PCED1B: variants seen among roughly 807,000 people sequenced by gnomAD.
PCED1B encodes PC-esterase domain containing 1B.
For missense variants in PCED1B, 573 were observed against 573.9 expected, an observed-to-expected ratio of 1.00 and a Z score of 0.02; for synonymous variants, 251 against 246.1, an observed-to-expected ratio of 1.02 and a Z score of -0.19.
intron 2 of PCED1B, among the ~76,000 whole-genome samples, chr12:47,106,665 G>C (rs936285983): frequency 6.6e-6 from 1 of 152,170 alleles, no homozygotes; most frequent in African/African-American, 2.4e-5. Flanking sequence ...CTCCCCACAA[G>C]GGACCCATCA....
intron 2 of PCED1B, among the ~76,000 whole-genome samples, chr12:47,123,524 C>T (rs985694307): frequency 6.6e-6 from 1 of 151,936 alleles, no homozygotes; most frequent in Non-Finnish European, 1.5e-5. Context: ...TTCATAGAAT[C>T]AACAAAACAA....
chr12:47,097,823 G>A (rs936437382), intron 1 of PCED1B, among the ~76,000 whole-genome samples: 2 of 152,182 alleles, frequency 1.3e-5, no homozygotes, highest in African/African-American at 4.8e-5. Flanking sequence ...TGTCTCCTCA[G>A]TTCACCCAAA....
chr12:47,111,066 A>G (rs879653883), intron 2 of PCED1B, among the ~76,000 whole-genome samples: 1 of 152,200 alleles, frequency 6.6e-6, no homozygotes, highest in African/African-American at 2.4e-5. Flanking sequence ...TTTCTGAAAA[A>G]TTGATTTTTG....
intron 2 of PCED1B, among the ~76,000 whole-genome samples, chr12:47,104,517 C>T (rs1938859973): frequency 6.6e-6 from 1 of 152,166 alleles, no homozygotes; most frequent in Admixed American, 6.5e-5. Flanking sequence ...ATCACCCAGG[C>T]AAGTCACCTG....
chr12:47,127,350 A>G (rs1030735989), intron 2 of PCED1B, among the ~76,000 whole-genome samples: 2 of 147,664 alleles, frequency 1.4e-5, no homozygotes, highest in South Asian at 4.3e-4. Flanking sequence ...CTTTCTAGCT[A>G]TCTTTCTGTT....
At chr12:47,120,505 A>G (rs1939630486) in intron 2 of PCED1B, among the ~76,000 whole-genome samples, 1 of 152,200 alleles carries the variant, frequency 6.6e-6, no homozygotes, top group Non-Finnish European at 1.5e-5. Context: ...TGGCCATAAA[A>G]AAGAATGCAG....
chr12:47,091,382 C>A (rs1220721162), intron 1 of PCED1B, among the ~76,000 whole-genome samples: 2 of 151,902 alleles, frequency 1.3e-5, no homozygotes, highest in Admixed American at 1.3e-4. Context: ...TCAACTTTTT[C>A]TTATTGACTT....
chr12:47,096,909 G>C (rs1938503951), intron 1 of PCED1B, among the ~76,000 whole-genome samples: 1 of 152,184 alleles, frequency 6.6e-6, no homozygotes, highest in Non-Finnish European at 1.5e-5. Context: ...AGATATGTAA[G>C]ACTGTATAAG....
At position 47,235,961 on chromosome 12, in the gene PCED1B, C is replaced by G. The variant is rs750761520; in HGVS notation, c.898C>G (p.Arg300Gly). 6.2e-7 allele frequency: 1 copy of G among 1,612,362 alleles called. No individual in the cohort carries two copies. The highest frequency in any genetic ancestry group is 8.5e-7 in the Non-Finnish European group (1 of 1,179,254). ...LSPPLPSPTY[R>G]PLLGFPPQRL... ...CCCACCCTTACCTTCCCCCACATAC[C>G]GCCCCCTGCTTGGGTTCCCACCCCA... The change falls in exon 4 of 4, where the codon CGC (arginine) becomes GGC (glycine). Residue 300 changes from arginine (R) to glycine (G), a missense_variant. Coordinates refer to ENST00000546455, the MANE Select transcript of PCED1B (RefSeq NM_138371.3).
At chr12:47,218,302 G>A (rs1169415976) in intron 3 of PCED1B, among the ~76,000 whole-genome samples, 1 of 151,420 alleles carries the variant, frequency 6.6e-6, no homozygotes, top group Non-Finnish European at 1.5e-5. Flanking sequence ...GTGTGCATAG[G>A]CAGTATGACA....
At chr12:47,187,111 A>G (rs1243130134) in intron 2 of PCED1B, among the ~76,000 whole-genome samples, 1 of 152,118 alleles carries the variant, frequency 6.6e-6, no homozygotes, top group Non-Finnish European at 1.5e-5. Flanking sequence ...TGCTCTGTGG[A>G]CTTTAGAAAT....
chr12:47,090,343 A>G (rs1221573196), intron 1 of PCED1B, among the ~76,000 whole-genome samples: 3 of 152,208 alleles, frequency 2.0e-5, no homozygotes, highest in Non-Finnish European at 2.9e-5. Flanking sequence ...ATGTCATGAG[A>G]TGCAGGCATT....
At chr12:47,126,876 G>A (rs1939909454) in intron 2 of PCED1B, among the ~76,000 whole-genome samples, 1 of 152,020 alleles carries the variant, frequency 6.6e-6, no homozygotes, top group Non-Finnish European at 1.5e-5. Context: ...TTGGTCACTT[G>A]TTTCTTCTCT....
intron 1 of PCED1B, among the ~76,000 whole-genome samples, chr12:47,103,298 T>C (rs771896175): frequency 6.4e-4 from 97 of 152,134 alleles, no homozygotes; most frequent in Admixed American, 1.2e-3. Flanking sequence ...AAAAATGTCT[T>C]ATCTTGGAAG....
intron 2 of PCED1B, among the ~76,000 whole-genome samples, chr12:47,172,340 C>CTTTTTTTT (rs34230051): frequency 3.8e-5 from 3 of 78,336 alleles, no homozygotes; most frequent in Admixed American, 1.5e-4. Flanking sequence ...TCGTGGGTTG[C>CTTTTTTTT]TTTTTTTTTT....
chr12:47,222,585 T>C (rs1239797571), intron 3 of PCED1B, among the ~76,000 whole-genome samples: 1 of 152,124 alleles, frequency 6.6e-6, no homozygotes, highest in African/African-American at 2.4e-5. Flanking sequence ...ACAAAGATAA[T>C]AGCTACATTC....
chr12:47,177,462 C>T (rs944911337), intron 2 of PCED1B, among the ~76,000 whole-genome samples: 4 of 152,104 alleles, frequency 2.6e-5, no homozygotes, highest in Non-Finnish European at 5.9e-5. Flanking sequence ...CACACTAAAC[C>T]CATATGTAAC....
intron 2 of PCED1B, among the ~76,000 whole-genome samples, chr12:47,183,261 C>A (rs1592250302): frequency 6.6e-6 from 1 of 152,118 alleles, no homozygotes; most frequent in African/African-American, 2.4e-5. Context: ...AAGAGGTGGG[C>A]AGAATGTACA....
chr12:47,184,026 TTTTTCTTTTTCTTC>T (rs1002482937), intron 2 of PCED1B, among the ~76,000 whole-genome samples: 1 of 152,230 alleles, frequency 6.6e-6, no homozygotes, highest in African/African-American at 2.4e-5. Context: ...AGAGAGAATA[TTTTTCTTTTTCTTC>T]TTTTCTTTTT....
Sources: allele counts gnomAD v4.1 joint callset (sites outside exome capture counted in the v4.1 genomes callset), GRCh38; gene constraint gnomAD v4.1.1; transcripts MANE v1.5; gene names NCBI Gene and HGNC (gene_info 2026-07-23, HGNC 2026-07-21).